Variants in SLC25A13 observed in about 807,000 individuals in gnomAD.
SLC25A13 encodes the protein electrogenic aspartate/glutamate antiporter SLC25A13, mitochondrial.
A neutral mutation model predicts 85.5 loss-of-function variants in SLC25A13; 70 were observed. That is an observed-to-expected ratio of 0.82 (90% CI 0.68 to 1.00). SLC25A13 has a LOEUF of 1.00. SLC25A13 is among the 50% of genes least tolerant of loss of function. SLC25A13 has a pLI of 0.00. For missense variants in SLC25A13, 765 were observed against 819.8 expected, an observed-to-expected ratio of 0.93 and a Z score of 0.82; for synonymous variants, 259 against 288.7, an observed-to-expected ratio of 0.90 and a Z score of 1.04.
intron 13 of SLC25A13, among the ~76,000 whole-genome samples, chr7:96,155,976 T>C (rs56255653): frequency 0.01 from 1,594 of 152,336 alleles, 28 homozygotes; most frequent in African/African-American, 0.036. Flanking sequence ...TTGTCTCTTG[T>C]GAAAAAGCAG....
intron 3 of SLC25A13, among the ~76,000 whole-genome samples, chr7:96,268,126 C>A (rs1372961145): frequency 6.6e-6 from 1 of 152,126 alleles, no homozygotes; most frequent in East Asian, 1.9e-4. Context: ...CACTCAACAC[C>A]TCCAGCTTAT....
At position 96,184,304 on chromosome 7, in the gene SLC25A13, A is replaced by G; in HGVS notation, c.1150T>C (p.Tyr384His). 1 of 1,614,202 alleles carries G rather than the reference A, an allele frequency of 6.2e-7. No homozygotes were observed. The highest frequency in any genetic ancestry group is 1.1e-5 in the South Asian group (1 of 91,086). ...SFDCFKKVLR[Y>H]EGFFGLYRGL... Reference sequence around the variant, plus strand: ...CTATACAGTCCAAAGAAGCCTTCATAGCGTAGCACTTTCTTAAAACAGTCA... The same window carrying G: ...CTATACAGTCCAAAGAAGCCTTCATGGCGTAGCACTTTCTTAAAACAGTCA... The change falls in exon 11 of 18, where the codon TAT becomes CAT. Residue 384 changes from tyrosine (Y) to histidine (H), a missense_variant. Transcript: ENST00000265631.
intron 2 of SLC25A13, among the ~76,000 whole-genome samples, chr7:96,281,554 G>A (rs1363738822): frequency 6.6e-6 from 1 of 152,140 alleles, no homozygotes; most frequent in Non-Finnish European, 1.5e-5. Flanking sequence ...TTAACATACA[G>A]TGACCAGAAT....
At chr7:96,175,149 G>GA (rs1381406983) in intron 11 of SLC25A13, among the ~76,000 whole-genome samples, 3 of 152,086 alleles carry the variant, frequency 2.0e-5, no homozygotes, top group East Asian at 1.9e-4. Flanking sequence ...TGCAGGAGGG[G>GA]AAAAAACATC....
intron 3 of SLC25A13, among the ~76,000 whole-genome samples, chr7:96,236,218 C>A (rs538935816): frequency 2.0e-5 from 3 of 152,156 alleles, no homozygotes; most frequent in Admixed American, 2.0e-4. Context: ...AAAACACATG[C>A]TTCTCAATGC....
At chr7:96,123,858 C>T (rs1791619042) in intron 15 of SLC25A13, among the ~76,000 whole-genome samples, 1 of 152,160 alleles carries the variant, frequency 6.6e-6, no homozygotes, top group South Asian at 2.1e-4. Flanking sequence ...TTGGCAGGGA[C>T]GTCTGGTAGA....
chr7:96,254,591 T>C (rs747906327), intron 3 of SLC25A13, among the ~76,000 whole-genome samples: 2 of 152,216 alleles, frequency 1.3e-5, no homozygotes, highest in Non-Finnish European at 2.9e-5. Context: ...TGTGTATATA[T>C]ACCCTATTGG....
intron 14 of SLC25A13, among the ~76,000 whole-genome samples, chr7:96,144,393 G>C (rs1296624097): frequency 6.6e-6 from 1 of 152,112 alleles, no homozygotes; most frequent in Admixed American, 6.6e-5. Context: ...AGATTACTAG[G>C]TCACTTTCTT....
intron 3 of SLC25A13, among the ~76,000 whole-genome samples, chr7:96,259,053 C>T (rs575595926): frequency 2.7e-4 from 41 of 152,198 alleles, no homozygotes; most frequent in Non-Finnish European, 5.0e-4. Context: ...ACACTGTATA[C>T]AAAAATTAAC....
At chr7:96,320,638 C>A (rs1242441455) in intron 1 of SLC25A13, among the ~76,000 whole-genome samples, 1 of 152,174 alleles carries the variant, frequency 6.6e-6, no homozygotes, top group Non-Finnish European at 1.5e-5. Context: ...CACACGCACA[C>A]CTGTGTGTTC....
rs538991801 is a variant in SLC25A13 at position 96,190,759 on chromosome 7, C to T, written c.754+350G>A. ...TCCCAAGTAGCTGGGATTACAGGTGCCCACCACCACACCCGACTAATGTTT... is the reference window on the plus strand; with the variant it reads ...TCCCAAGTAGCTGGGATTACAGGTGTCCACCACCACACCCGACTAATGTTT... On this transcript the variant is annotated intron_variant, in intron 7 of 17. Transcript: ENST00000265631. Among the ~76,000 whole-genome samples the T allele has an allele frequency of 7.9e-5, 12 of 152,156 alleles. No homozygotes were observed. The South Asian group carries it at 2.3e-3, about 29-fold the overall frequency.
intron 13 of SLC25A13, among the ~76,000 whole-genome samples, chr7:96,164,212 T>C (rs1441942619): frequency 6.6e-6 from 1 of 152,162 alleles, no homozygotes; most frequent in Non-Finnish European, 1.5e-5. Context: ...CTTATTCTGC[T>C]CTCAGAACTC....
At chr7:96,224,222 A>G (rs1442435195) in intron 4 of SLC25A13, among the ~76,000 whole-genome samples, 1 of 152,086 alleles carries the variant, frequency 6.6e-6, no homozygotes, top group Non-Finnish European at 1.5e-5. Flanking sequence ...AGCCTAAATA[A>G]TGATCACTGG....
At chr7:96,233,904 T>C (rs1013973305) in intron 4 of SLC25A13, among the ~76,000 whole-genome samples, 23 of 152,258 alleles carry the variant, frequency 1.5e-4, no homozygotes, top group Admixed American at 9.8e-4. Flanking sequence ...AAGTCCTGTC[T>C]GGGTCTCACG....
At chr7:96,188,070 G>C (rs1316991071) in intron 9 of SLC25A13, among the ~76,000 whole-genome samples, 1 of 151,998 alleles carries the variant, frequency 6.6e-6, no homozygotes, top group East Asian at 1.9e-4. Context: ...AGAGTAGGAG[G>C]GATCTAAAAA....
At chr7:96,196,289 C>T (rs761263421) in intron 5 of SLC25A13, among the ~76,000 whole-genome samples, 4 of 152,306 alleles carry the variant, frequency 2.6e-5, no homozygotes, top group Middle Eastern at 3.4e-3. Flanking sequence ...CTAGCTAAGC[C>T]AAGACTACTC....
chr7:96,123,422 G>A (rs1791596765), intron 15 of SLC25A13, among the ~76,000 whole-genome samples: 1 of 152,222 alleles, frequency 6.6e-6, no homozygotes, highest in South Asian at 2.1e-4. Context: ...GGGCAGGCAT[G>A]TCAGACTGTG....
intron 13 of SLC25A13, among the ~76,000 whole-genome samples, chr7:96,156,381 T>C (rs1793264677): frequency 6.6e-6 from 1 of 150,802 alleles, no homozygotes; most frequent in Admixed American, 6.6e-5. Flanking sequence ...ACTGTAACCT[T>C]CGCCTCCCAG....
intron 13 of SLC25A13, among the ~76,000 whole-genome samples, chr7:96,151,802 G>A (rs1266898735): frequency 2.4e-4 from 37 of 151,478 alleles, no homozygotes; most frequent in African/African-American, 7.8e-4. Flanking sequence ...AAAATTAGCC[G>A]GACATGGTGG....
Sources: allele counts gnomAD v4.1 joint callset (sites outside exome capture counted in the v4.1 genomes callset), GRCh38; gene constraint gnomAD v4.1.1; transcripts MANE v1.5; gene names NCBI Gene and HGNC (gene_info 2026-07-23, HGNC 2026-07-21).